Variants in SLC20A2 observed in about 807,000 individuals in gnomAD.
The protein encoded by SLC20A2 is solute carrier family 20 member 2.
In SLC20A2, 30 loss-of-function variants were observed where a neutral mutation model predicts 61.0. The observed-to-expected ratio is 0.49, with a 90% CI of 0.37 to 0.67. The LOEUF is 0.67. Among genes scored for constraint, SLC20A2 ranks in the 30% least tolerant of loss-of-function variants. SLC20A2 has a pLI of 0.00. For synonymous variants in SLC20A2, 351 were observed against 353.3 expected, an observed-to-expected ratio of 0.99 and a Z score of 0.07; for missense variants, 626 against 866.4, an observed-to-expected ratio of 0.72 and a Z score of 3.48.
At chr8:42,432,276 A>G (rs187448690) in intron 8 of SLC20A2, among the ~76,000 whole-genome samples, 1 of 152,346 alleles carries the variant, frequency 6.6e-6, no homozygotes, top group Non-Finnish European at 1.5e-5. Context: ...CAAAACTTAA[A>G]TGAAGGAAGC....
chr8:42,516,516 G>A (rs1409661140), intron 1 of SLC20A2, among the ~76,000 whole-genome samples: 1 of 152,148 alleles, frequency 6.6e-6, no homozygotes, highest in Non-Finnish European at 1.5e-5. Flanking sequence ...TATTGCTGGA[G>A]AGCTCTCACC....
At position 42,454,618 on chromosome 8, in the gene SLC20A2, C is replaced by T. The variant is rs184067090; in HGVS notation, c.613+5278G>A. Among the ~76,000 whole-genome samples the T allele has an allele frequency of 2.8e-3, 397 of 143,616 alleles. 1 individual carries two copies. The highest frequency in any genetic ancestry group is 0.011 in the African/African-American group (382 of 34,012). 94.2% of individuals were successfully genotyped at this position (143,616 alleles called of 152,430 possible). ...AATAATGAACTTCAAGATCCTTACACAGATTTTTTTTTTTTTTTGAGACAG... is the reference window on the plus strand; with the variant it reads ...AATAATGAACTTCAAGATCCTTACATAGATTTTTTTTTTTTTTTGAGACAG... On this transcript the variant is annotated intron_variant, in intron 5 of 10. Transcript: ENST00000520262.
intron 5 of SLC20A2, among the ~76,000 whole-genome samples, chr8:42,452,475 G>GGATGAAGAGGAGGAGTAGGAAGA (rs1805813213): frequency 1.4e-5 from 2 of 140,934 alleles, no homozygotes; most frequent in South Asian, 5.0e-4. Context: ...AAGGAGGAAG[G>GGATGAAGAGGAGGAGTAGGAAGA]GATGAAGAGG....
intron 3 of SLC20A2, among the ~76,000 whole-genome samples, chr8:42,464,822 G>T (rs1490855510): frequency 6.6e-6 from 1 of 151,796 alleles, no homozygotes; most frequent in Non-Finnish European, 1.5e-5. Context: ...AAATACAAAA[G>T]AAATGAGCTG....
chr8:42,432,899 A>G (rs1803974158), intron 8 of SLC20A2, among the ~76,000 whole-genome samples: 1 of 152,218 alleles, frequency 6.6e-6, no homozygotes, highest in Non-Finnish European at 1.5e-5. Context: ...ATGTACTGGG[A>G]CACCAAAAAC....
In SLC20A2 at chr8:42,437,612, CT is replaced by C. The variant is rs754056948; in HGVS notation, c.935-36del. The C allele has an allele frequency of 0.13, 138,746 of 1,073,862 alleles. No homozygotes were observed. The highest frequency in any genetic ancestry group is 0.16 in the South Asian group (8,140 of 51,762). 66.5% of individuals were successfully genotyped at this position (1,073,862 alleles called of 1,614,324 possible). On this transcript the variant is annotated intron_variant, in intron 7 of 10. Transcript: ENST00000520262. The surrounding 1 kb of genome is among the most constrained non-coding windows in gnomAD (Gnocchi z 6.4). ...GTTAGAGAAGGTCTCATTTTCCAGT[CT>C]TTTTTTTTTTTTTCTTTTCTTTTTG...
rs1162742583 is a variant in SLC20A2 at position 42,417,715 on chromosome 8, G to A, written c.*88C>T. On this transcript the variant is annotated 3_prime_UTR_variant, in exon 11 of 11. Transcript: ENST00000520262. ...TCATGAGAGAGCCGTGCACGGCCAGGATGTGTATGTGCGGCACGAGCACAC... is the reference window on the plus strand; with the variant it reads ...TCATGAGAGAGCCGTGCACGGCCAGAATGTGTATGTGCGGCACGAGCACAC... 3.5e-6 allele frequency: 5 copies of A among 1,425,502 alleles called. 1 individual carries two copies. In the South Asian group the frequency reaches 4.7e-5, roughly 14 times the overall value. The allele number at this position is 1,425,502 out of a possible 1,614,324, so 88.3% of individuals were successfully genotyped here.
At chr8:42,485,213 G>A (rs1390490045) in intron 1 of SLC20A2, among the ~76,000 whole-genome samples, 1 of 152,108 alleles carries the variant, frequency 6.6e-6, no homozygotes, top group Non-Finnish European at 1.5e-5. Flanking sequence ...GAATGTTCAG[G>A]GAGGTCAGCT....
At chr8:42,444,975 T>C (rs1267083019) in intron 5 of SLC20A2, among the ~76,000 whole-genome samples, 4 of 152,228 alleles carry the variant, frequency 2.6e-5, no homozygotes, top group Non-Finnish European at 4.4e-5. Context: ...CTTAAACTAG[T>C]TAGTAAGCTA....
chr8:42,449,239 G>C (rs1394128371), intron 5 of SLC20A2, among the ~76,000 whole-genome samples: 1 of 152,098 alleles, frequency 6.6e-6, no homozygotes, highest in Non-Finnish European at 1.5e-5. Flanking sequence ...TGTTCACTCA[G>C]CCAAAAGTAG....
intron 1 of SLC20A2, among the ~76,000 whole-genome samples, chr8:42,534,312 G>A (rs1196692338): frequency 6.6e-6 from 1 of 152,022 alleles, no homozygotes; most frequent in Non-Finnish European, 1.5e-5. Context: ...GAAAGAAGAG[G>A]TAACACTGAC....
intron 2 of SLC20A2, among the ~76,000 whole-genome samples, chr8:42,471,829 C>A (rs1807660569): frequency 6.6e-6 from 1 of 152,170 alleles, no homozygotes; most frequent in Non-Finnish European, 1.5e-5. Flanking sequence ...AGGTCTTTTT[C>A]TGTACTTTCT....
intron 3 of SLC20A2, among the ~76,000 whole-genome samples, chr8:42,464,574 C>A (rs1459894284): frequency 6.6e-6 from 1 of 152,078 alleles, no homozygotes; most frequent in Non-Finnish European, 1.5e-5. Flanking sequence ...TTCTTACCTG[C>A]CTGGGAAGAA....
chr8:42,464,297 T>TG (rs1318609574), intron 3 of SLC20A2, among the ~76,000 whole-genome samples: 5 of 149,566 alleles, frequency 3.3e-5, no homozygotes, highest in African/African-American at 1.2e-4. Flanking sequence ...TTTTTTTTTT[T>TG]TTGTTGTAAA....
intron 1 of SLC20A2, among the ~76,000 whole-genome samples, chr8:42,532,117 G>A (rs895846367): frequency 2.0e-5 from 3 of 151,956 alleles, no homozygotes; most frequent in Admixed American, 1.3e-4. Context: ...GTGAGCCACT[G>A]TGCCTGGCCA....
Position 42,437,679 on chromosome 8 carries a change from C to T in SLC20A2, c.935-102G>A. The stretch of plus-strand genomic sequence containing the variant: ...CTGTCCTCAGGGTGGAGTACAATGG[C>T]GCAATCTCGGCTCACTGCAACCTTC... On this transcript the variant is annotated intron_variant, in intron 7 of 10. Transcript: ENST00000520262. This position sits in a 1 kb window ranked among gnomAD's most constrained non-coding sequence, Gnocchi z 6.4. 1 of 995,166 alleles carries T rather than the reference C, an allele frequency of 1.0e-6. No individual in the cohort carries two copies. The highest frequency in any genetic ancestry group is 1.4e-6 in the Non-Finnish European group (1 of 715,212). 61.6% of individuals were successfully genotyped at this position (995,166 alleles called of 1,614,324 possible).
intron 5 of SLC20A2, among the ~76,000 whole-genome samples, chr8:42,455,291 G>GAA (rs1806102446): frequency 7.1e-6 from 1 of 140,086 alleles, no homozygotes; most frequent in East Asian, 2.1e-4. Flanking sequence ...GAGAGAGAGA[G>GAA]AGCGTGCGCA....
chr8:42,520,889 G>A (rs1186028068), intron 1 of SLC20A2, among the ~76,000 whole-genome samples: 3 of 121,054 alleles, frequency 2.5e-5, no homozygotes, highest in Admixed American at 8.3e-5. Context: ...ATTTGAGTAC[G>A]TGTTGTCTTA....
Position 42,472,489 on chromosome 8 carries a change from C to T in SLC20A2, c.-99G>A. The T allele has an allele frequency of 8.9e-7, 1 of 1,124,718 alleles. No homozygotes were observed. The highest frequency in any genetic ancestry group is 1.6e-5 in the South Asian group (1 of 63,922). The allele number at this position is 1,124,718 out of a possible 1,614,324, so 69.7% of individuals were successfully genotyped here. On this transcript the variant is annotated 5_prime_UTR_variant, in exon 2 of 11. Transcript: ENST00000520262. This position sits in a 1 kb window ranked among gnomAD's most constrained non-coding sequence, Gnocchi z 4.1. ...TCGTAAGGCCAAGAGTTCTTGTAAA[C>T]AGTGAGTTTGCTCTGGAAAGTGCTG...
Sources: gnomAD v4.1 joint callset for allele counts (sites outside exome capture counted in the v4.1 genomes callset) on GRCh38, gnomAD v4.1.1 for gene constraint, Gnocchi (gnomAD v3.1) non-coding constraint, MANE v1.5 for transcripts, NCBI Gene and HGNC (gene_info 2026-07-23, HGNC 2026-07-21) for gene names.